Variants in WDR37 observed in about 807,000 individuals in gnomAD.
The protein encoded by WDR37 is WD repeat domain 37, also known as WD repeat-containing protein 37.
WDR37 carries 19 observed loss-of-function variants against 62.9 expected under a neutral mutation model. The ratio of observed to expected loss-of-function variants is 0.30; its 90% CI spans 0.21 to 0.44. WDR37 has a LOEUF of 0.44. WDR37 is among the 20% of genes least tolerant of loss of function. The pLI, the probability that WDR37 is intolerant of heterozygous loss-of-function variation, is 1.00. For missense variants in WDR37, 474 were observed against 657.6 expected, an observed-to-expected ratio of 0.72 and a Z score of 3.05; for synonymous variants, 250 against 260.9, an observed-to-expected ratio of 0.96 and a Z score of 0.40.
intron 11 of WDR37, among the ~76,000 whole-genome samples, chr10:1,117,389 G>C (rs1039767008): frequency 6.6e-5 from 10 of 152,174 alleles, no homozygotes; most frequent in African/African-American, 1.9e-4. Context: ...TTCCAAGTTA[G>C]AATATTGTTT....
intron 11 of WDR37, among the ~76,000 whole-genome samples, chr10:1,116,671 C>T (rs1254880551): frequency 1.3e-5 from 2 of 152,214 alleles, no homozygotes; most frequent in Admixed American, 6.5e-5. Flanking sequence ...GACAGCTTTT[C>T]GGAGCTTTGC....
chr10:1,075,619 G>C (rs1195545355), intron 2 of WDR37, among the ~76,000 whole-genome samples: 1 of 152,120 alleles, frequency 6.6e-6, no homozygotes, highest in Non-Finnish European at 1.5e-5. Flanking sequence ...TCTGTAGGAG[G>C]AGATTGGCCT....
At chr10:1,112,820 A>G (rs1461260365) in intron 11 of WDR37, among the ~76,000 whole-genome samples, 2 of 152,200 alleles carry the variant, frequency 1.3e-5, no homozygotes, top group Non-Finnish European at 2.9e-5. Flanking sequence ...TGCGGAAGAA[A>G]AGCTGGAAGC....
At chr10:1,114,940 G>A (rs919360033) in intron 11 of WDR37, among the ~76,000 whole-genome samples, 14 of 152,100 alleles carry the variant, frequency 9.2e-5, no homozygotes, top group African/African-American at 3.4e-4. Context: ...CATGACATTT[G>A]CCTGTTTAGA....
At chr10:1,111,578 T>G (rs1835218820) in intron 11 of WDR37, among the ~76,000 whole-genome samples, 1 of 152,228 alleles carries the variant, frequency 6.6e-6, no homozygotes, top group South Asian at 2.1e-4. Context: ...TGCTGAAGGC[T>G]TTGATCCTAC....
At chr10:1,129,016 C>T (rs12358761) in intron 13 of WDR37, among the ~76,000 whole-genome samples, 197 bp from the exon 14 acceptor site, 4 of 144,816 alleles carry the variant, frequency 2.8e-5, no homozygotes, top group African/African-American at 8.3e-5. Context: ...TGATCTGTGG[C>T]CCATGCACGG....
intron 6 of WDR37, among the ~76,000 whole-genome samples, chr10:1,084,975 T>G (rs1418054674): frequency 1.3e-5 from 2 of 152,270 alleles, no homozygotes; most frequent in Non-Finnish European, 2.9e-5. Context: ...TTCTTTTTCT[T>G]ATTTGAGACG....
At chr10:1,068,868 C>T (rs144773938) in intron 1 of WDR37, among the ~76,000 whole-genome samples, 1 of 152,284 alleles carries the variant, frequency 6.6e-6, no homozygotes, top group East Asian at 1.9e-4. Context: ...AAAGGGAATA[C>T]ATTACCACTA....
Position 1,121,341 on chromosome 10 carries a change from G to C in WDR37, c.1104-2877G>C, listed in dbSNP as rs1416049334. On this transcript the variant is annotated intron_variant, in intron 11 of 13. Coordinates refer to ENST00000263150, the MANE Select transcript of WDR37 (RefSeq NM_014023.4). The surrounding 1 kb of genome is among the most constrained non-coding windows in gnomAD (Gnocchi z 4.5). ...GAAGACTCCAGTTCAAAGAGAAGTT[G>C]GGGGCACCTCTCCTCTCATTCTTCC... is the stretch of plus-strand genomic sequence containing the variant. 6.6e-6 allele frequency among the ~76,000 whole-genome samples: 1 copy of C among 152,150 alleles called. No homozygotes were observed. Among genetic ancestry groups the C allele is most frequent in the African/African-American group, 2.4e-5 (1 of 41,430 alleles).
At chr10:1,080,544 G>A (rs778480287) in intron 5 of WDR37, 68 bp downstream of exon 5, 33 of 1,535,674 alleles carry the variant, frequency 2.1e-5, no homozygotes, top group Non-Finnish European at 2.9e-5. Flanking sequence ...ACTTTAAGTT[G>A]TTTATTTTCC....
chr10:1,080,383 T>A (rs1357231489), intron 4 of WDR37, 29 bp from the exon 5 acceptor site: 2 of 1,613,876 alleles, frequency 1.2e-6, no homozygotes, highest in Non-Finnish European at 1.7e-6. Flanking sequence ...TGTGTGATTG[T>A]GTTTGATTGT....
intron 5 of WDR37, 74 bp from the exon 6 acceptor site, chr10:1,084,329 T>C (rs1428218595): frequency 6.4e-7 from 1 of 1,557,626 alleles, no homozygotes; most frequent in Non-Finnish European, 8.8e-7. Context: ...GACGTCTTTT[T>C]CGTTTTCTCT....
chr10:1,113,186 C>A (rs976304475), intron 11 of WDR37, among the ~76,000 whole-genome samples: 3 of 152,192 alleles, frequency 2.0e-5, no homozygotes, highest in African/African-American at 7.2e-5. Context: ...TTATGTGAAA[C>A]CTACTCTGCC....
In WDR37 at chr10:1,096,226, C is replaced by T; in HGVS notation, c.706C>T (p.Gln236Ter). The change falls in exon 9 of 14, where the codon CAG becomes TAG. Residue 236 changes from glutamine to a stop codon, truncating the protein, a stop_gained. Transcript: ENST00000263150. LOFTEE classifies it high-confidence loss of function. Reference sequence around the variant, plus strand: ...ATACGCGGTGCAGCTGCCGACACCCCAGCCTGTTGCTGACACTAGTGTAAG... The same window carrying T: ...ATACGCGGTGCAGCTGCCGACACCCTAGCCTGTTGCTGACACTAGTGTAAG... ...WRYAVQLPTPQPVADTSISGE... is the reference protein window; with the variant it reads ...WRYAVQLPTP The T allele has an allele frequency of 6.2e-7, 1 of 1,614,146 alleles. No homozygotes were observed. The highest frequency in any genetic ancestry group is 8.5e-7 in the Non-Finnish European group (1 of 1,180,026).
intron 2 of WDR37, chr10:1,074,305 C>G: frequency 3.3e-6 from 4 of 1,201,214 alleles, no homozygotes; most frequent in Non-Finnish European, 4.2e-6. Context: ...TTTCTGGGCC[C>G]TGAATGCCCA....
chr10:1,111,837 A>T (rs769214580), intron 11 of WDR37, among the ~76,000 whole-genome samples: 2 of 152,242 alleles, frequency 1.3e-5, no homozygotes, highest in African/African-American at 2.4e-5. Context: ...GAAATAATAA[A>T]AAGGCTTAAT....
At chr10:1,101,034 G>A (rs1038050624) in intron 9 of WDR37, among the ~76,000 whole-genome samples, 8 of 152,158 alleles carry the variant, frequency 5.3e-5, no homozygotes, top group African/African-American at 9.7e-5. Flanking sequence ...CCTTTCCACC[G>A]TCTGAACGCC....
chr10:1,124,401 G>C (rs757284214), intron 12 of WDR37, 49 bp downstream of exon 12: 6 of 1,607,352 alleles, frequency 3.7e-6, no homozygotes, highest in Non-Finnish European at 5.1e-6. Context: ...GATGTGAAAG[G>C]ATTGATTGTG....
At chr10:1,089,637 A>G (rs1589097244) in intron 7 of WDR37, among the ~76,000 whole-genome samples, 1 of 150,340 alleles carries the variant, frequency 6.7e-6, no homozygotes, top group African/African-American at 2.5e-5. Context: ...GCTCACCCAC[A>G]ATTCAGCCTT....
Sources: allele counts gnomAD v4.1 joint callset (sites outside exome capture counted in the v4.1 genomes callset), GRCh38; gene constraint gnomAD v4.1.1; non-coding constraint Gnocchi (gnomAD v3.1); transcripts MANE v1.5; gene names NCBI Gene and HGNC (gene_info 2026-07-23, HGNC 2026-07-21).